The following HIPK3 variants were observed in gnomAD, a reference collection of about 807,000 sequenced individuals.
HIPK3 encodes the protein homeodomain interacting protein kinase 3.
Under a neutral mutation model 124.2 loss-of-function variants are expected in HIPK3, and 47 were observed. That is an observed-to-expected ratio of 0.38 (90% confidence interval 0.30 to 0.48). The LOEUF is 0.48. Among genes scored for constraint, HIPK3 ranks in the 20% least tolerant of loss-of-function variants. HIPK3 has a pLI of 0.98. For missense variants in HIPK3, 1,286 were observed against 1,454.3 expected (o/e 0.88, Z 1.88); for synonymous variants, 482 against 515.2 (o/e 0.94, Z 0.87).
At position 33,351,740 on chromosome 11, in the gene HIPK3, A is replaced by G; in HGVS notation, c.2940A>G (p.Val980=). The change falls in exon 15 of 17, where the codon GTA becomes GTG. Residue 980 remains valine, a synonymous_variant. Transcript: ENST00000303296. ...VEDTHENTEL[V]SSADTETKPA... is the part of the protein sequence containing the mutation. ...ACACTCATGAAAACACAGAATTGGT[A>G]TCCTCTGCTGACACAGAAACCAAGC... 1.9e-6 allele frequency: 3 copies of G among 1,614,212 alleles called. No homozygotes were observed. The highest frequency in any genetic ancestry group is 1.3e-5 in the African/African-American group (1 of 75,056).
At position 33,286,940 on chromosome 11, in the gene HIPK3, A is replaced by G; in HGVS notation, c.526A>G (p.Thr176Ala). 6.2e-7 allele frequency: 1 copy of G among 1,614,242 alleles called. No individual in the cohort carries two copies. Among genetic ancestry groups the G allele is most frequent in the Middle Eastern group, 1.6e-4 (1 of 6,062 alleles). ...TATTGSKQNC[T>A]TGEGDYQLVQ... The stretch of plus-strand genomic sequence containing the variant: ...TACCACAGGATCAAAACAGAATTGT[A>G]CCACTGGAGAAGGTGACTATCAGTT... The change falls in exon 2 of 17, where the codon ACC becomes GCC. Residue 176 changes from threonine (T) to alanine (A), a missense_variant. Thr to Ala is a moderately conservative substitution (Grantham distance 58). Around this residue, in one of 3 missense-constraint regions of HIPK3, gnomAD observed 225 missense variants for 240.3 expected, o/e 0.94. Transcript: ENST00000303296.
At chr11:33,328,316 T>C (rs1018598802) in intron 2 of HIPK3, among the ~76,000 whole-genome samples, 194 bp from the exon 3 acceptor site, 4 of 152,192 alleles carry the variant, frequency 2.6e-5, no homozygotes, top group Admixed American at 2.0e-4. Flanking sequence ...ATTATAGAAA[T>C]GTTGTACTCA....
intron 1 of HIPK3, among the ~76,000 whole-genome samples, chr11:33,273,512 CAA>C (rs398015727): frequency 3.5e-3 from 166 of 47,998 alleles, no homozygotes; most frequent in South Asian, 5.7e-3. Context: ...TCTGTCTCCA[CAA>C]AAAAAAAAAA....
At chr11:33,328,055 T>A (rs1852862561) in intron 2 of HIPK3, among the ~76,000 whole-genome samples, 1 of 152,242 alleles carries the variant, frequency 6.6e-6, no homozygotes, top group South Asian at 2.1e-4. Context: ...TACTGTATTC[T>A]GAAGTAATAT....
chr11:33,267,581 T>C (rs1258539849), intron 1 of HIPK3, among the ~76,000 whole-genome samples: 1 of 151,980 alleles, frequency 6.6e-6, no homozygotes, highest in Admixed American at 6.6e-5. Context: ...CTGCAAGCTC[T>C]GCCTCCCAGG....
chr11:33,317,274 A>ATTTTTTT (rs3028961), intron 2 of HIPK3, among the ~76,000 whole-genome samples: 2 of 102,210 alleles, frequency 2.0e-5, no homozygotes, highest in Non-Finnish European at 3.7e-5. Flanking sequence ...GCCTGGCCCT[A>ATTTTTTT]TTTTTTTTTT....
At chr11:33,353,038 T>C in intron 16 of HIPK3, 54 bp from the exon 17 acceptor site, 1 of 1,070,068 alleles carries the variant, frequency 9.3e-7, no homozygotes, top group South Asian at 1.5e-5. Context: ...CTTTCTTTCC[T>C]TTTATCTTTT....
chr11:33,323,340 C>G (rs1852719167), intron 2 of HIPK3, among the ~76,000 whole-genome samples: 1 of 152,104 alleles, frequency 6.6e-6, no homozygotes. Flanking sequence ...GCCTCCCAGT[C>G]TCAAGCAATT....
intron 1 of HIPK3, among the ~76,000 whole-genome samples, chr11:33,266,443 A>G (rs1052382441): frequency 1.3e-5 from 2 of 152,190 alleles, no homozygotes; most frequent in East Asian, 1.9e-4. Flanking sequence ...CACTTCTGTA[A>G]TCCCAGCACT....
chr11:33,284,451 A>G (rs1851494433), intron 1 of HIPK3, among the ~76,000 whole-genome samples: 1 of 152,222 alleles, frequency 6.6e-6, no homozygotes, highest in East Asian at 1.9e-4. Context: ...CAGCAAGAAG[A>G]TATTATTTTA....
At chr11:33,341,254 G>T in intron 7 of HIPK3, 127 bp downstream of exon 7, 4 of 618,212 alleles carry the variant, frequency 6.5e-6, no homozygotes, top group Non-Finnish European at 1.1e-5. Context: ...TACTATACCT[G>T]TTTTTACCAA....
chr11:33,343,411 C>T (rs1590189603), intron 8 of HIPK3, among the ~76,000 whole-genome samples: 1 of 151,888 alleles, frequency 6.6e-6, no homozygotes. Context: ...TCCCAAGTAG[C>T]TGGGGTTACA....
Position 33,257,666 on chromosome 11 carries a change from G to GAGCAGCAGC in HIPK3, c.-213_-205dup, listed in dbSNP as rs1169498647. 1.1e-5 allele frequency: 11 copies of GAGCAGCAGC among 993,976 alleles called. No individual in the cohort carries two copies. The East Asian group carries it at 4.4e-4, about 40-fold the overall frequency. 61.6% of individuals were successfully genotyped at this position (993,976 alleles called of 1,614,324 possible). A position where few individuals can be genotyped will look rare whatever the true frequency, so the allele number is the denominator to read the frequency against. On this transcript the variant is annotated 5_prime_UTR_variant, in exon 1 of 17. Transcript: ENST00000303296. ...AGACGGGCCCGGCGCTTAGCAGCCA[G>GAGCAGCAGC]AGCAGCAGCAGCAGCAGCAGCGGTC... is the stretch of plus-strand genomic sequence containing the variant.
intron 2 of HIPK3, among the ~76,000 whole-genome samples, chr11:33,305,747 G>A (rs1205805972): frequency 1.3e-5 from 2 of 152,084 alleles, no homozygotes; most frequent in African/African-American, 4.8e-5. Context: ...TGGATTTTTT[G>A]TTTGTTTGTT....
At chr11:33,342,341 A>G (rs1337751817) in intron 8 of HIPK3, among the ~76,000 whole-genome samples, 4 of 152,288 alleles carry the variant, frequency 2.6e-5, no homozygotes, top group Non-Finnish European at 4.4e-5. Flanking sequence ...AATACTAAAC[A>G]TAAAAGTGAC....
chr11:33,336,671 TCTCTGTTAGTGACC>T (rs1853158504), intron 3 of HIPK3, among the ~76,000 whole-genome samples: 2 of 152,206 alleles, frequency 1.3e-5, no homozygotes, highest in South Asian at 2.1e-4. Flanking sequence ...CTCTTACCAT[TCTCTGTTAGTGACC>T]CTCTGTACTT....
At chr11:33,276,701 AT>A (rs1191658688) in intron 1 of HIPK3, among the ~76,000 whole-genome samples, 1 of 151,946 alleles carries the variant, frequency 6.6e-6, no homozygotes, top group Non-Finnish European at 1.5e-5. Context: ...ATTTTATTTT[AT>A]TTTATTATTC....
At chr11:33,277,344 C>T (rs1409945529) in intron 1 of HIPK3, among the ~76,000 whole-genome samples, 2 of 152,078 alleles carry the variant, frequency 1.3e-5, no homozygotes, top group African/African-American at 2.4e-5. Flanking sequence ...GATTTATGTA[C>T]GTTGATATAT....
intron 8 of HIPK3, among the ~76,000 whole-genome samples, chr11:33,342,135 T>C (rs186731822): frequency 3.8e-4 from 56 of 148,386 alleles, no homozygotes; most frequent in African/African-American, 1.1e-3. Flanking sequence ...AAATTTAAGC[T>C]GTTCAATAAG....
Sources: allele counts gnomAD v4.1 joint callset (sites outside exome capture counted in the v4.1 genomes callset), GRCh38; gene constraint gnomAD v4.1.1; regional missense constraint gnomAD v4.1.1; transcripts MANE v1.5; gene names NCBI Gene and HGNC (gene_info 2026-07-23, HGNC 2026-07-21).